Variants in MASP2 observed in about 807,000 individuals in gnomAD.
The protein encoded by MASP2 is mannan-binding lectin serine protease 2.
In MASP2, 49 loss-of-function variants were observed where a neutral mutation model predicts 57.1. That is an observed-to-expected ratio of 0.86 (90% CI 0.68 to 1.09). The LOEUF is 1.09. Among genes scored for constraint, MASP2 ranks in the 50% least tolerant of loss-of-function variants. MASP2 has a pLI of 0.00. For synonymous variants in MASP2, 379 were observed against 340.8 expected (o/e 1.11, Z -1.24); for missense variants, 900 against 874.8 (o/e 1.03, Z -0.36).
intron 9 of MASP2, 157 bp from the exon 10 acceptor site, chr1:11,030,407 C>G (rs973223927): frequency 1.6e-6 from 1 of 609,578 alleles, no homozygotes; most frequent in Non-Finnish European, 2.9e-6. Context: ...TAGGAGGTCT[C>G]TGCATTACCA....
At position 11,041,216 on chromosome 1, in the gene MASP2, G is replaced by A. The variant is rs140065487; in HGVS notation, c.889+1659C>T. Among the ~76,000 whole-genome samples, 837 of 150,188 alleles carry A rather than the reference G, an allele frequency of 5.6e-3. 8 individuals are homozygous for A. Among genetic ancestry groups the A allele is most frequent in the South Asian group, 0.029 (136 of 4,678 alleles). On this transcript the variant is annotated intron_variant, in intron 6 of 10. Transcript: ENST00000400897. Reference sequence around the variant, plus strand: ...GAAGGATGTGTTGGTAGAAGGAAGGGTAGATGGGTAGATGAATAGGATGGG... The same window carrying A: ...GAAGGATGTGTTGGTAGAAGGAAGGATAGATGGGTAGATGAATAGGATGGG...
At chr1:11,038,453 C>G (rs910518641) in intron 6 of MASP2, among the ~76,000 whole-genome samples, 1 of 152,132 alleles carries the variant, frequency 6.6e-6, no homozygotes, top group Admixed American at 6.5e-5. Flanking sequence ...ATTTGGGGAG[C>G]CTCAGGCTTC....
At chr1:11,045,655 G>A in intron 3 of MASP2, 116 bp from the exon 4 acceptor site, 1 of 1,229,588 alleles carries the variant, frequency 8.1e-7, no homozygotes, top group Non-Finnish European at 1.1e-6. Flanking sequence ...GCCTCGTCCT[G>A]TCTAGGGTGC....
At chr1:11,037,452 A>T (rs984297395) in intron 7 of MASP2, among the ~76,000 whole-genome samples, 4 of 151,712 alleles carry the variant, frequency 2.6e-5, no homozygotes, top group African/African-American at 9.6e-5. Flanking sequence ...CGCTTATGTA[A>T]ATTTAAAGTT....
chr1:11,043,150 G>T, intron 5 of MASP2, 128 bp from the exon 6 acceptor site: 1 of 1,090,312 alleles, frequency 9.2e-7, no homozygotes, highest in Non-Finnish European at 1.3e-6. Flanking sequence ...GGATTGGGGT[G>T]CCCCTCCCCA....
rs368754211 is a variant in MASP2, at chr1:11,045,514, C to G, written c.438G>C (p.Pro146=). The G allele has an allele frequency of 3.1e-6, 5 of 1,608,570 alleles. No homozygotes were observed. The African/African-American group carries it at 6.7e-5, about 22-fold the overall frequency. ...GGTGGTCGCAGGTGGGCGCCTCTCC[C>G]GGGGCCACCTGGCACTCGTCAATGT... ...AEDIDECQVA[P]GEAPTCDHHC... Residue 146 remains proline, a synonymous_variant, in exon 4 of 11, where the codon CCG becomes CCC. Transcript: ENST00000400897.
At chr1:11,039,450 A>G (rs1378370100) in intron 6 of MASP2, among the ~76,000 whole-genome samples, 1 of 131,028 alleles carries the variant, frequency 7.6e-6, no homozygotes, top group Non-Finnish European at 1.7e-5. Flanking sequence ...GGATAGAAAG[A>G]TAAGTAAGGT....
rs761913364 is a variant in MASP2 at position 11,044,991 on chromosome 1, G to C, written c.544+417C>G. ...TCAGAGAGGCAAGGAGAGACACCGAGAGGGAGAAACCGAGTCGGGGGAGGC... is the reference window on the plus strand; with the variant it reads ...TCAGAGAGGCAAGGAGAGACACCGACAGGGAGAAACCGAGTCGGGGGAGGC... On this transcript the variant is annotated intron_variant, in intron 4 of 10. Coordinates refer to ENST00000400897, the MANE Select transcript of MASP2 (RefSeq NM_006610.4). The C allele has an allele frequency of 5.0e-6, 8 of 1,604,156 alleles. No individual in the cohort carries two copies. In the East Asian group the frequency reaches 1.3e-4, roughly 27 times the overall value.
At chr1:11,027,783 A>C (rs1293157567) in intron 10 of MASP2, 135 bp from the exon 11 acceptor site, 2 of 814,232 alleles carry the variant, frequency 2.5e-6, no homozygotes, top group Non-Finnish European at 1.9e-6. Flanking sequence ...GTGACTACCT[A>C]TACAGGCAAG....
intron 10 of MASP2, among the ~76,000 whole-genome samples, chr1:11,027,885 C>T (rs1383384978): frequency 1.3e-5 from 2 of 152,120 alleles, no homozygotes; most frequent in South Asian, 4.2e-4. Flanking sequence ...TGAAAACTGA[C>T]TTTTAGAAGT....
chr1:11,028,697 G>GTTTTTTTTTTTTT (rs1208974169), intron 10 of MASP2, among the ~76,000 whole-genome samples: 4 of 36,176 alleles, frequency 1.1e-4, no homozygotes, highest in African/African-American at 5.2e-4. Context: ...ATCTTTCTGG[G>GTTTTTTTTTTTTT]TTTTTTTTCT....
intron 6 of MASP2, among the ~76,000 whole-genome samples, chr1:11,040,763 ATGGG>A (rs1294578070): frequency 1.4e-5 from 2 of 146,124 alleles, no homozygotes. Context: ...TAATAGAAGA[ATGGG>A]TGGGTGGGTG....
At position 11,027,465 on chromosome 1, in the gene MASP2, GCGGATGCAT is replaced by G. The variant is rs1468327546; in HGVS notation, c.1472_1480del (p.Asp491_Ser493del). ...CAGGGTGCCCATTCGAATGTCCAGG[GCGGATGCAT>G]CATGTTTTTGCTCATAGACGGCATG... On this transcript the variant is annotated inframe_deletion, in exon 11 of 11. Coordinates refer to ENST00000400897, the MANE Select transcript of MASP2 (RefSeq NM_006610.4). 6.2e-7 allele frequency: 1 copy of G among 1,614,084 alleles called. No homozygotes were observed. The highest frequency in any genetic ancestry group is 8.5e-7 in the Non-Finnish European group (1 of 1,179,998).
chr1:11,043,064 G>A, intron 5 of MASP2, 42 bp from the exon 6 acceptor site: 2 of 1,606,464 alleles, frequency 1.2e-6, no homozygotes, highest in Non-Finnish European at 1.7e-6. Flanking sequence ...AGCTGCCTGG[G>A]TCTGGCCTGG....
chr1:11,044,845 G>A, intron 4 of MASP2: 3 of 1,555,236 alleles, frequency 1.9e-6, no homozygotes, highest in Non-Finnish European at 2.6e-6. Flanking sequence ...GTGAATGGGA[G>A]TTGGGGCACA....
At chr1:11,033,809 T>TA (rs1293033724) in intron 8 of MASP2, among the ~76,000 whole-genome samples, 1 of 150,800 alleles carries the variant, frequency 6.6e-6, no homozygotes, top group Non-Finnish European at 1.5e-5. Context: ...GGCATGTGCC[T>TA]GTAATCCTAG....
intron 8 of MASP2, among the ~76,000 whole-genome samples, chr1:11,033,957 ACACACACACTCTCT>A (rs772120769): frequency 5.1e-4 from 53 of 103,738 alleles, no homozygotes; most frequent in African/African-American, 7.0e-4. Flanking sequence ...ACACACACAC[ACACACACACTCTCT>A]CTCTCTCTCT....
rs184811612 is a variant in MASP2, at chr1:11,038,567, G to A, written c.890-756C>T. ...CCCTAAAAACCCACTGGTCAGTTTC[G>A]GAGTCCTCTCCTCCCTCCAGCACCT... is the stretch of plus-strand genomic sequence containing the variant. On this transcript the variant is annotated intron_variant, in intron 6 of 10. Coordinates refer to ENST00000400897, the MANE Select transcript of MASP2 (RefSeq NM_006610.4). 1.7e-3 allele frequency among the ~76,000 whole-genome samples: 260 copies of A among 152,224 alleles called. 4 individuals are homozygous for A. Among genetic ancestry groups the A allele is most frequent in the African/African-American group, 6.0e-3 (251 of 41,534 alleles).
chr1:11,038,233 A>C (rs1638310505), intron 6 of MASP2, among the ~76,000 whole-genome samples: 1 of 152,156 alleles, frequency 6.6e-6, no homozygotes, highest in South Asian at 2.1e-4. Flanking sequence ...GGTTATGTGT[A>C]ACCTCTCTGA....
Sources: allele counts gnomAD v4.1 joint callset (sites outside exome capture counted in the v4.1 genomes callset), GRCh38; gene constraint gnomAD v4.1.1; transcripts MANE v1.5; gene names NCBI Gene and HGNC (gene_info 2026-07-23, HGNC 2026-07-21).